DGKB: variants seen among roughly 807,000 people sequenced by gnomAD.
The protein encoded by DGKB is 90 kDa diacylglycerol kinase.
Under a neutral mutation model 114.3 loss-of-function variants are expected in DGKB, and 67 were observed. The observed-to-expected ratio is 0.59, with a 90% CI of 0.48 to 0.72. DGKB has a LOEUF of 0.72. Ranked by LOEUF, DGKB falls within the 30% of genes least tolerant of loss-of-function variation. DGKB has a pLI of 0.00. For synonymous variants in DGKB, 398 were observed against 323.1 expected (o/e 1.23, Z -2.49); for missense variants, 907 against 975.2 (o/e 0.93, Z 0.93).
At chr7:14,620,232 T>C (rs1807357871) in intron 15 of DGKB, among the ~76,000 whole-genome samples, 1 of 151,308 alleles carries the variant, frequency 6.6e-6, no homozygotes. Context: ...AATAATTTTA[T>C]TATTCAGAAT....
chr7:14,506,064 A>G (rs1787002835), intron 20 of DGKB, among the ~76,000 whole-genome samples: 2 of 152,206 alleles, frequency 1.3e-5, no homozygotes, highest in Admixed American at 1.3e-4. Flanking sequence ...ACCACAAAAA[A>G]TAATCCAGTT....
chr7:14,484,330 T>C (rs948225658), intron 20 of DGKB, among the ~76,000 whole-genome samples: 1 of 151,268 alleles, frequency 6.6e-6, no homozygotes. Flanking sequence ...GTAGATGTTT[T>C]CCCCTCTGAA....
intron 4 of DGKB, among the ~76,000 whole-genome samples, chr7:14,737,498 C>A (rs940549929): frequency 6.6e-6 from 1 of 151,694 alleles, no homozygotes; most frequent in Admixed American, 6.6e-5. Flanking sequence ...TTGGGACAAA[C>A]CTAATATTAA....
intron 14 of DGKB, among the ~76,000 whole-genome samples, chr7:14,624,097 T>C (rs529946578): frequency 6.6e-6 from 1 of 152,344 alleles, no homozygotes; most frequent in East Asian, 1.9e-4. Context: ...ATTGTTTTTA[T>C]ATTTCCAAAT....
chr7:14,388,039 C>T (rs945715849), intron 21 of DGKB, among the ~76,000 whole-genome samples: 41 of 151,744 alleles, frequency 2.7e-4, no homozygotes, highest in Middle Eastern at 3.4e-3. Flanking sequence ...GCCACTGCGC[C>T]CGGCTAATTT....
At chr7:14,267,511 C>G (rs1026180230) in intron 23 of DGKB, among the ~76,000 whole-genome samples, 1 of 148,870 alleles carries the variant, frequency 6.7e-6, no homozygotes, top group Non-Finnish European at 1.5e-5. Context: ...TTTTTTGAGA[C>G]GGAGTCTGGC....
intron 23 of DGKB, among the ~76,000 whole-genome samples, chr7:14,277,641 AACATT>A: frequency 6.6e-6 from 1 of 152,322 alleles, no homozygotes; most frequent in African/African-American, 2.4e-5. Context: ...ATACATTTAC[AACATT>A]TTCTTTATCC....
At position 14,665,217 on chromosome 7, in the gene DGKB, C is replaced by T. The variant is rs951842086; in HGVS notation, c.1134+7712G>A. On this transcript the variant is annotated intron_variant, in intron 13 of 25. Transcript: ENST00000402815. ...AAGAACCTTGCTCTTCAAGATCGAT[C>T]GTGTTCTTGGCAAGAGCATGGATGG... is the stretch of plus-strand genomic sequence containing the variant. Among the ~76,000 whole-genome samples, 5 of 151,976 alleles carry T rather than the reference C, an allele frequency of 3.3e-5. No individual in the cohort carries two copies. The South Asian group carries it at 1.0e-3, about 32-fold the overall frequency.
chr7:14,207,935 C>T lies in DGKB; in HGVS notation c.2123-29784G>A, dbSNP rs531251130. ...TTGTCAGCACAATTTCTCATTTGAA[C>T]CTTGAACCAGCATCTACAGAACTTT... On this transcript the variant is annotated intron_variant, in intron 23 of 25. Coordinates refer to ENST00000402815, the MANE Select transcript of DGKB (RefSeq NM_001350709.2). Among the ~76,000 whole-genome samples, 11 of 152,020 alleles carry T rather than the reference C, an allele frequency of 7.2e-5. No individual in the cohort carries two copies. The South Asian group carries it at 8.3e-4, about 11-fold the overall frequency.
At chr7:14,631,440 C>G (rs772958710) in intron 13 of DGKB, among the ~76,000 whole-genome samples, 1 of 152,064 alleles carries the variant, frequency 6.6e-6, no homozygotes, top group Non-Finnish European at 1.5e-5. Context: ...TTCAGGAATA[C>G]AGCTCTATTT....
At chr7:14,599,125 C>G (rs1046433154) in intron 17 of DGKB, among the ~76,000 whole-genome samples, 15 of 152,168 alleles carry the variant, frequency 9.9e-5, no homozygotes, top group African/African-American at 3.6e-4. Context: ...AAGAGGATAA[C>G]ACAGCAAAAG....
chr7:14,845,502 A>G (rs1034589276), intron 1 of DGKB, among the ~76,000 whole-genome samples: 12 of 152,156 alleles, frequency 7.9e-5, no homozygotes, highest in Admixed American at 7.2e-4. Context: ...TCCAACCTAT[A>G]TATTAGATTC....
chr7:14,184,319 C>A (rs1270911286), intron 23 of DGKB, among the ~76,000 whole-genome samples: 1 of 152,174 alleles, frequency 6.6e-6, no homozygotes, highest in African/African-American at 2.4e-5. Flanking sequence ...GGGCGCAAAT[C>A]TGGTGTGCAA....
chr7:14,922,130 T>A (rs1437027048), intron 1 of DGKB, among the ~76,000 whole-genome samples: 1 of 142,398 alleles, frequency 7.0e-6, no homozygotes, highest in African/African-American at 2.5e-5. Flanking sequence ...TTCATAAATA[T>A]TGATGTAGAA....
At chr7:14,173,968 T>C (rs911034760) in intron 25 of DGKB, among the ~76,000 whole-genome samples, 6 of 152,222 alleles carry the variant, frequency 3.9e-5, no homozygotes, top group African/African-American at 1.4e-4. Context: ...AATGTCTTAT[T>C]ACTTATTGAA....
intron 2 of DGKB, among the ~76,000 whole-genome samples, chr7:14,806,323 T>C (rs1272234584): frequency 6.6e-6 from 1 of 152,082 alleles, no homozygotes; most frequent in African/African-American, 2.4e-5. Context: ...CCTCACATTG[T>C]ACTATATATA....
intron 20 of DGKB, among the ~76,000 whole-genome samples, chr7:14,538,336 A>G (rs1249263290): frequency 6.6e-6 from 1 of 152,164 alleles, no homozygotes; most frequent in Non-Finnish European, 1.5e-5. Context: ...ACTTGAACAG[A>G]CATTTTTCCA....
chr7:14,180,261 A>G (rs1782436545), intron 23 of DGKB, among the ~76,000 whole-genome samples: 3 of 152,198 alleles, frequency 2.0e-5, no homozygotes, highest in Admixed American at 2.0e-4. Context: ...ACCATTCTAT[A>G]AGAAATGAAA....
chr7:14,570,989 C>A (rs6949687), intron 20 of DGKB, among the ~76,000 whole-genome samples: 2 of 151,856 alleles, frequency 1.3e-5, no homozygotes, highest in African/African-American at 4.8e-5. Context: ...GGTGTTGTCC[C>A]ATGCAGTAAG....
Sources: allele counts gnomAD v4.1 joint callset (sites outside exome capture counted in the v4.1 genomes callset), GRCh38; gene constraint gnomAD v4.1.1; transcripts MANE v1.5; gene names NCBI Gene and HGNC (gene_info 2026-07-23, HGNC 2026-07-21).